The following RNF144A variants were observed in gnomAD, a reference collection of about 807,000 sequenced individuals.
RNF144A encodes ring finger protein 144A, also known as E3 ubiquitin-protein ligase RNF144A.
RNF144A carries 11 observed loss-of-function variants against 38.7 expected under a neutral mutation model. The observed-to-expected ratio is 0.28, with a 90% confidence interval of 0.18 to 0.47. The LOEUF (loss-of-function observed/expected upper bound fraction) is 0.47. Among genes scored for constraint, RNF144A ranks in the 20% least tolerant of loss-of-function variants. The pLI is 0.99. For synonymous variants in RNF144A, 149 were observed against 143.9 expected (o/e 1.04, Z -0.25); for missense variants, 316 against 377.2 (o/e 0.84, Z 1.34).
intron 2 of RNF144A, among the ~76,000 whole-genome samples, chr2:6,965,825 G>C (rs1279812156): frequency 2.6e-5 from 4 of 151,990 alleles, no homozygotes; most frequent in Admixed American, 2.6e-4. Flanking sequence ...TTGGTGAAGA[G>C]ACAGAAAATT....
chr2:6,983,214 T>G (rs1042361070), intron 2 of RNF144A, among the ~76,000 whole-genome samples: 1 of 152,290 alleles, frequency 6.6e-6, no homozygotes, highest in Admixed American at 6.5e-5. Flanking sequence ...GTGAGCTGTT[T>G]GGCATGCTTT....
intron 2 of RNF144A, among the ~76,000 whole-genome samples, chr2:6,960,251 T>C (rs1407787931): frequency 6.6e-6 from 1 of 152,232 alleles, no homozygotes; most frequent in Non-Finnish European, 1.5e-5. Flanking sequence ...CATAGGCCCT[T>C]GTGCCTTTGG....
At chr2:6,993,576 G>A (rs1043297620) in intron 2 of RNF144A, among the ~76,000 whole-genome samples, 2 of 152,164 alleles carry the variant, frequency 1.3e-5, no homozygotes, top group Admixed American at 6.5e-5. Context: ...TTCACGCGGG[G>A]TGGAGGTGGG....
chr2:7,055,257 G>T (rs1045483978), intron 6 of RNF144A, among the ~76,000 whole-genome samples: 9 of 152,094 alleles, frequency 5.9e-5, no homozygotes, highest in Non-Finnish European at 2.9e-5. Flanking sequence ...TCCAGGCAAT[G>T]CCCCCAACCT....
intron 1 of RNF144A, among the ~76,000 whole-genome samples, chr2:6,933,517 T>C (rs1343680460): frequency 6.6e-6 from 1 of 152,208 alleles, no homozygotes; most frequent in Middle Eastern, 3.2e-3. Flanking sequence ...ATAAAAATAA[T>C]TGTTTTCTCT....
At chr2:6,981,278 G>GT (rs1035086020) in intron 2 of RNF144A, among the ~76,000 whole-genome samples, 3 of 151,640 alleles carry the variant, frequency 2.0e-5, no homozygotes, top group African/African-American at 7.3e-5. Context: ...CAGAAAATGG[G>GT]TTTTTTCTTT....
At chr2:7,063,761 C>G (rs901193483) in intron 6 of RNF144A, among the ~76,000 whole-genome samples, 2 of 152,206 alleles carry the variant, frequency 1.3e-5, no homozygotes, top group African/African-American at 4.8e-5. Flanking sequence ...ACGTCTAATG[C>G]TCCAGATAAT....
chr2:6,931,182 G>C (rs1348093874), intron 1 of RNF144A, among the ~76,000 whole-genome samples: 5 of 152,214 alleles, frequency 3.3e-5, no homozygotes, highest in African/African-American at 9.6e-5. Flanking sequence ...AGCAGAGAAG[G>C]CAAGACTGTG....
intron 6 of RNF144A, among the ~76,000 whole-genome samples, chr2:7,061,421 G>T (rs1401921957): frequency 6.6e-6 from 1 of 152,088 alleles, no homozygotes; most frequent in Non-Finnish European, 1.5e-5. Flanking sequence ...TATTTAGAGA[G>T]CAATTAATCA....
In RNF144A at chr2:7,031,268, T is replaced by C. The variant is rs539547904; in HGVS notation, c.747+1053T>C. On this transcript the variant is annotated intron_variant, in intron 8 of 8. Coordinates refer to ENST00000320892, the MANE Select transcript of RNF144A (RefSeq NM_014746.6). ...AATATTAACTTGTGCTTTCAACACA[T>C]ATTTATAGCCTACCGTGTGCTGGGT... is the stretch of plus-strand genomic sequence containing the variant. 2.6e-5 allele frequency among the ~76,000 whole-genome samples: 4 copies of C among 152,336 alleles called. No homozygotes were observed. The South Asian group carries it at 8.3e-4, about 32-fold the overall frequency.
chr2:7,037,943 T>C (rs1028161147), intron 8 of RNF144A, among the ~76,000 whole-genome samples: 1 of 152,238 alleles, frequency 6.6e-6, no homozygotes, highest in Non-Finnish European at 1.5e-5. Flanking sequence ...CTGTCCTCGC[T>C]CTCATTTCTG....
At chr2:6,961,272 A>T (rs1667316215) in intron 2 of RNF144A, among the ~76,000 whole-genome samples, 1 of 152,170 alleles carries the variant, frequency 6.6e-6, no homozygotes, top group East Asian at 1.9e-4. Flanking sequence ...GATTATCTTT[A>T]TGATAATAAA....
At position 6,959,695 on chromosome 2, in the gene RNF144A, T is replaced by A. The variant is rs189574620; in HGVS notation, c.-12+18548T>A. On this transcript the variant is annotated intron_variant, in intron 2 of 8. Transcript: ENST00000320892. ...CAGGGTAGCTGTTCTACTCCTATGA[T>A]AACCCATTAATCTGTTCATCCATAA... Among the ~76,000 whole-genome samples the A allele has an allele frequency of 2.4e-3, 372 of 152,290 alleles. 2 individuals are homozygous for A. The highest frequency in any genetic ancestry group is 8.6e-3 in the African/African-American group (359 of 41,540).
chr2:7,024,488 T>A lies in RNF144A; in HGVS notation c.629T>A (p.Phe210Tyr). The stretch of plus-strand genomic sequence containing the variant: ...ATGTGCAAGAACTGCAAGCACGCCT[T>A]CTGCTGGTACTGCCTGGAGTCTCTG... ...QMMCKNCKHA[F>Y]CWYCLESLDD... The change falls in exon 7 of 9, where the codon TTC becomes TAC. Residue 210 changes from phenylalanine (F) to tyrosine (Y), a missense_variant. By Grantham distance (22) the Phe-to-Tyr change is conservative. Coordinates refer to ENST00000320892, the MANE Select transcript of RNF144A (RefSeq NM_014746.6). 6.2e-7 allele frequency: 1 copy of A among 1,611,600 alleles called. No individual in the cohort carries two copies. Among genetic ancestry groups the A allele is most frequent in the Non-Finnish European group, 8.5e-7 (1 of 1,177,812 alleles).
At chr2:7,055,602 T>A (rs1673712491) in intron 6 of RNF144A, among the ~76,000 whole-genome samples, 1 of 152,196 alleles carries the variant, frequency 6.6e-6, no homozygotes, top group South Asian at 2.1e-4. Context: ...CAGGAGAGTC[T>A]AAGCAAAGCC....
At chr2:6,975,011 G>A (rs1342452417) in intron 2 of RNF144A, among the ~76,000 whole-genome samples, 1 of 152,060 alleles carries the variant, frequency 6.6e-6, no homozygotes, top group African/African-American at 2.4e-5. Context: ...AATTATAATG[G>A]CTTTTATTTT....
intron 2 of RNF144A, among the ~76,000 whole-genome samples, chr2:6,967,326 A>G (rs1296734046): frequency 1.3e-5 from 2 of 152,288 alleles, no homozygotes; most frequent in Non-Finnish European, 2.9e-5. Flanking sequence ...CAGAAGACGT[A>G]GTTCGTTTGT....
chr2:6,967,909 T>C (rs1667773057), intron 2 of RNF144A, among the ~76,000 whole-genome samples: 1 of 152,236 alleles, frequency 6.6e-6, no homozygotes, highest in Non-Finnish European at 1.5e-5. Flanking sequence ...CCCAAAGCAC[T>C]AAGCTACTTG....
chr2:7,054,825 G>A (rs774999745), intron 6 of RNF144A, among the ~76,000 whole-genome samples: 4 of 152,112 alleles, frequency 2.6e-5, no homozygotes, highest in Non-Finnish European at 5.9e-5. Context: ...CCAGTCTAAG[G>A]TATTTTGTTA....
Sources: gnomAD v4.1 joint callset for allele counts (sites outside exome capture counted in the v4.1 genomes callset) on GRCh38, gnomAD v4.1.1 for gene constraint, MANE v1.5 for transcripts, NCBI Gene and HGNC (gene_info 2026-07-23, HGNC 2026-07-21) for gene names.